The following ZNF717 variants were observed in gnomAD, a reference collection of about 807,000 sequenced individuals.
ZNF717 encodes the protein zinc finger protein 717, also known as krueppel-like factor X17.
ZNF717 carries 9 observed loss-of-function variants against 13.8 expected under a neutral mutation model. The observed-to-expected ratio is 0.65, with a 90% confidence interval of 0.39 to 1.14. The LOEUF (loss-of-function observed/expected upper bound fraction) is 1.14. Among genes scored for constraint, ZNF717 ranks in the 50% most tolerant of loss-of-function variants. The pLI is 0.01. For synonymous variants in ZNF717, 327 were observed against 364.1 expected (o/e 0.90, Z 1.16); for missense variants, 1,040 against 1,080.7 (o/e 0.96, Z 0.53).
intron 6 of ZNF717, among the ~76,000 whole-genome samples, chr3:75,700,267 G>T (rs1357998886): frequency 6.6e-6 from 1 of 152,300 alleles, no homozygotes; most frequent in Non-Finnish European, 1.5e-5. Flanking sequence ...GGTGGCGGGT[G>T]CCTGTAATCC....
rs1575749693 is a variant in ZNF717 at position 75,736,108 on chromosome 3, G to A, written c.*770C>T. On this transcript the variant is annotated 3_prime_UTR_variant, in exon 5 of 5. Coordinates refer to ENST00000652011, the MANE Select transcript of ZNF717 (RefSeq NM_001290208.3). ...ACTAATGGAATTGTCTCAGCGTGCT[G>A]GAACTCTATGGAAGATAGCAAACGT... The A allele has an allele frequency of 6.6e-6, 1 of 152,256 alleles. No individual in the cohort carries two copies. 9.4% of individuals were successfully genotyped at this position (152,256 alleles called of 1,614,324 possible). A position where few individuals can be genotyped will look rare whatever the true frequency, so the allele number is the denominator to read the frequency against.
chr3:75,754,140 C>T (rs182716779), intron 2 of ZNF717, among the ~76,000 whole-genome samples: 272 of 152,356 alleles, frequency 1.8e-3, no homozygotes, highest in African/African-American at 5.9e-3. Context: ...CTTGGACTTT[C>T]CAGCCTCCAG....
chr3:75,771,430 A>C (rs1302407096), intron 2 of ZNF717, among the ~76,000 whole-genome samples: 1 of 152,214 alleles, frequency 6.6e-6, no homozygotes, highest in Admixed American at 6.5e-5. Flanking sequence ...AAGCTCCTTT[A>C]AATTTAATTC....
chr3:75,756,479 A>T (rs986750739), intron 2 of ZNF717, among the ~76,000 whole-genome samples: 1 of 152,248 alleles, frequency 6.6e-6, no homozygotes, highest in Admixed American at 6.5e-5. Flanking sequence ...GCTAGACCTC[A>T]TGCAACAAAC....
chr3:75,770,282 C>T (rs183000323), intron 2 of ZNF717, among the ~76,000 whole-genome samples: 47 of 152,308 alleles, frequency 3.1e-4, no homozygotes, highest in Admixed American at 2.4e-3. Flanking sequence ...AGAAGCAGGC[C>T]GGGCACGGTG....
chr3:75,761,581 T>A (rs1943021306), intron 2 of ZNF717, among the ~76,000 whole-genome samples: 1 of 152,162 alleles, frequency 6.6e-6, no homozygotes, highest in African/African-American at 2.4e-5. Flanking sequence ...AAGGGAGAAG[T>A]ATAAAATTTT....
Position 75,739,114 on chromosome 3 carries a change from T to C in ZNF717, c.509A>G (p.Lys170Arg). Residue 170 changes from lysine to arginine, a missense_variant, in exon 5 of 5, where the codon AAG becomes AGG. Lys to Arg is a conservative substitution (Grantham distance 26, BLOSUM62 2). This residue lies in a region of ZNF717 where 873 missense variants were observed against 832.8 expected (regional missense o/e 1.05). Transcript: ENST00000652011. ...CTCTCCAGACTGTGTCTCCCCAGGC[T>C]TAATAGGGAAAAGCATGTTCTGGCA... ...NDCQNMLFPI[K>R]PGETQSGEKP... 1 of 1,551,264 alleles carries C rather than the reference T, an allele frequency of 6.4e-7. No homozygotes were observed. Among genetic ancestry groups the C allele is most frequent in the Non-Finnish European group, 8.7e-7 (1 of 1,146,724 alleles).
chr3:75,717,387 G>C (rs1229341332), intron 4 of ZNF717, among the ~76,000 whole-genome samples: 1 of 152,116 alleles, frequency 6.6e-6, no homozygotes, highest in African/African-American at 2.4e-5. Flanking sequence ...ATTTTGAACG[G>C]GTAGAAAATC....
chr3:75,731,927 T>C (rs1337645503), downstream of ZNF717: 1 of 621,322 alleles, frequency 1.6e-6, no homozygotes, highest in African/African-American at 1.8e-5. Context: ...GAAACCACCT[T>C]AGGAACCAGT....
chr3:75,743,620 G>A (rs948872528), intron 2 of ZNF717, among the ~76,000 whole-genome samples: 33 of 152,352 alleles, frequency 2.2e-4, no homozygotes, highest in African/African-American at 7.5e-4. Context: ...AAAGCCAGAA[G>A]GGAGTAAAGA....
intron 2 of ZNF717, among the ~76,000 whole-genome samples, chr3:75,773,918 G>A (rs1944090433): frequency 2.0e-5 from 3 of 152,206 alleles, no homozygotes; most frequent in African/African-American, 7.2e-5. Flanking sequence ...GCATGGTGGT[G>A]CATGCCTCTA....
intron 2 of ZNF717, among the ~76,000 whole-genome samples, chr3:75,745,386 C>A (rs79865666): frequency 6.6e-6 from 1 of 151,836 alleles, no homozygotes; most frequent in African/African-American, 2.4e-5. Flanking sequence ...TGTTCTGGAA[C>A]TCTATGTGAG....
At chr3:75,765,035 A>ATATATATATG (rs1559662069) in intron 2 of ZNF717, among the ~76,000 whole-genome samples, 2 of 81,774 alleles carry the variant, frequency 2.4e-5, no homozygotes, top group South Asian at 3.7e-4. Context: ...ATATATGTAT[A>ATATATATATG]TGTGTGTGTG....
At chr3:75,760,289 C>A (rs546339533) in intron 2 of ZNF717, among the ~76,000 whole-genome samples, 1 of 152,246 alleles carries the variant, frequency 6.6e-6, no homozygotes, top group African/African-American at 2.4e-5. Context: ...GATGATCCGC[C>A]CGCCTCGGCC....
At chr3:75,746,779 A>T (rs377763368) in intron 2 of ZNF717, among the ~76,000 whole-genome samples, 33 of 152,336 alleles carry the variant, frequency 2.2e-4, no homozygotes, top group East Asian at 1.5e-3. Context: ...GCCCTTTGTC[A>T]GATGAGTAGA....
At chr3:75,723,039 A>C (rs1425285459) in intron 4 of ZNF717, among the ~76,000 whole-genome samples, 2 of 152,082 alleles carry the variant, frequency 1.3e-5, no homozygotes, top group African/African-American at 2.4e-5. Flanking sequence ...TGGTTCATCG[A>C]ATAATGCAGA....
chr3:75,779,567 G>GGAGTGAC (rs1366022485), intron 2 of ZNF717, among the ~76,000 whole-genome samples: 1 of 144,450 alleles, frequency 6.9e-6, no homozygotes, highest in Non-Finnish European at 1.6e-5. Context: ...CAAAACAACG[G>GGAGTGAC]GAGTGACGTG....
At chr3:75,712,229 CAG>C (rs34045533) in intron 5 of ZNF717, among the ~76,000 whole-genome samples, 39,305 of 151,288 alleles carry the variant, frequency 0.26, 2,348 homozygotes, top group East Asian at 0.47. Flanking sequence ...AAATAGATCT[CAG>C]AAAGATATTT....
intron 4 of ZNF717, among the ~76,000 whole-genome samples, chr3:75,740,644 C>A (rs1940281656): frequency 6.7e-6 from 1 of 148,864 alleles, no homozygotes; most frequent in Admixed American, 6.8e-5. Flanking sequence ...CCAGCCTGGG[C>A]AATAGAACAA....
Sources: allele counts gnomAD v4.1 joint callset (sites outside exome capture counted in the v4.1 genomes callset), GRCh38; gene constraint gnomAD v4.1.1; regional missense constraint gnomAD v4.1.1; transcripts MANE v1.5; gene names NCBI Gene and HGNC (gene_info 2026-07-23, HGNC 2026-07-21).